RALGAPA1: variants seen among roughly 807,000 people sequenced by gnomAD.
The protein encoded by RALGAPA1 is Ral GTPase activating protein catalytic subunit alpha 1.
A neutral mutation model predicts 269.6 loss-of-function variants in RALGAPA1; 52 were observed. The observed-to-expected ratio is 0.19, with a 90% CI of 0.15 to 0.24. RALGAPA1 has a LOEUF of 0.24. Ranked by LOEUF, RALGAPA1 falls within the 10% of genes least tolerant of loss-of-function variation. The pLI is 1.00. For missense variants in RALGAPA1, 1,917 were observed against 3,013.9 expected, an observed-to-expected ratio of 0.64 and a Z score of 8.52; for synonymous variants, 817 against 1,008.3, an observed-to-expected ratio of 0.81 and a Z score of 3.60.
intron 16 of RALGAPA1, among the ~76,000 whole-genome samples, chr14:35,709,556 T>C (rs1369523486): frequency 1.3e-5 from 2 of 152,140 alleles, no homozygotes; most frequent in African/African-American, 4.8e-5. Flanking sequence ...TATTTTCAAC[T>C]TCCTTGTTTT....
chr14:35,657,218 A>C (rs2063234008), intron 28 of RALGAPA1, among the ~76,000 whole-genome samples: 1 of 145,552 alleles, frequency 6.9e-6, no homozygotes, highest in African/African-American at 2.6e-5. Flanking sequence ...ACAGAGTCTC[A>C]CTCTGTCTTG....
rs1484224688 is a variant in RALGAPA1, at chr14:35,664,629, T to A, written c.5328+13A>T. The A allele has an allele frequency of 1.3e-6, 2 of 1,588,466 alleles. No individual in the cohort carries two copies. Among genetic ancestry groups the A allele is most frequent in the Admixed American group, 1.8e-5 (1 of 54,268 alleles). On this transcript the variant is annotated intron_variant, in intron 27 of 41. Transcript: ENST00000680220. ...ATCATTTAAGTGCTAAAAATTAGCA[T>A]CTCATTTCTTACCTTAACATCTGTA...
rs533071310 is a variant in RALGAPA1, at chr14:35,780,178, T to C, written c.107-4433A>G. On this transcript the variant is annotated intron_variant, in intron 1 of 41. Transcript: ENST00000680220. ...AAAGGGTTAATCTTTTAAGAAGATA[T>C]AACAATTGTGAACATATATGCACTT... Among the ~76,000 whole-genome samples the C allele has an allele frequency of 3.9e-5, 6 of 151,912 alleles. No homozygotes were observed. The South Asian group carries it at 8.3e-4, about 21-fold the overall frequency.
rs573447090 is a variant in RALGAPA1 at position 35,630,672 on chromosome 14, A to G, written c.5996-2721T>C. ...CACTTTGGGAAGCTGAGGCGGGCCAATCACCTGAGGTCAGTAGTTCGAGAC... is the reference window on the plus strand; with the variant it reads ...CACTTTGGGAAGCTGAGGCGGGCCAGTCACCTGAGGTCAGTAGTTCGAGAC... On this transcript the variant is annotated intron_variant, in intron 33 of 41. Transcript: ENST00000680220. Among the ~76,000 whole-genome samples, 403 of 152,296 alleles carry G rather than the reference A, an allele frequency of 2.6e-3. 2 individuals are homozygous for G. Among genetic ancestry groups the G allele is most frequent in the African/African-American group, 9.4e-3 (391 of 41,576 alleles).
chr14:35,759,565 C>T (rs919263472), intron 6 of RALGAPA1, among the ~76,000 whole-genome samples: 3 of 147,794 alleles, frequency 2.0e-5, no homozygotes, highest in Admixed American at 6.8e-5. Context: ...TAACAGGATT[C>T]GTACACGAAG....
intron 16 of RALGAPA1, 95 bp from the exon 17 acceptor site, chr14:35,700,397 C>A: frequency 2.1e-6 from 2 of 964,126 alleles, no homozygotes; most frequent in Non-Finnish European, 2.8e-6. Flanking sequence ...ACAGAGAAAA[C>A]TAAAAGGTAC....
intron 16 of RALGAPA1, among the ~76,000 whole-genome samples, chr14:35,708,302 C>G (rs1192517097): frequency 3.9e-5 from 6 of 151,906 alleles, no homozygotes; most frequent in Admixed American, 3.3e-4. Context: ...AAATCATCAA[C>G]AAAGTAAAGA....
chr14:35,609,070 C>CA (rs1223087086), intron 35 of RALGAPA1, among the ~76,000 whole-genome samples: 7 of 151,796 alleles, frequency 4.6e-5, no homozygotes, highest in African/African-American at 1.7e-4. Context: ...ACTAAAAATA[C>CA]AAAAAATTAG....
chr14:35,628,010 C>T, intron 33 of RALGAPA1, 59 bp from the exon 34 acceptor site: 1 of 1,473,490 alleles, frequency 6.8e-7, no homozygotes, highest in Non-Finnish European at 9.1e-7. Context: ...AATCATATGA[C>T]AATGAAATAT....
At chr14:35,656,983 C>G (rs184735301) in intron 28 of RALGAPA1, among the ~76,000 whole-genome samples, 1 of 152,148 alleles carries the variant, frequency 6.6e-6, no homozygotes, top group Admixed American at 6.5e-5. Flanking sequence ...TAACTAAAGG[C>G]AGAGACTTAG....
At chr14:35,770,807 T>C in intron 4 of RALGAPA1, 135 bp downstream of exon 4, 1 of 355,160 alleles carries the variant, frequency 2.8e-6, no homozygotes, top group East Asian at 4.2e-5. Context: ...TCCTAGTCAA[T>C]CTGTTCTTGT....
chr14:35,577,000 G>C (rs1481707083), intron 37 of RALGAPA1, among the ~76,000 whole-genome samples: 1 of 152,134 alleles, frequency 6.6e-6, no homozygotes, highest in African/African-American at 2.4e-5. Flanking sequence ...CTTTATTGCA[G>C]TCTATGGTTT....
At chr14:35,682,754 G>A (rs2065564836) in intron 21 of RALGAPA1, among the ~76,000 whole-genome samples, 1 of 152,046 alleles carries the variant, frequency 6.6e-6, no homozygotes, top group African/African-American at 2.4e-5. Flanking sequence ...TATAAAATAA[G>A]AATTTTCTCT....
Position 35,659,170 on chromosome 14 carries a change from G to A in RALGAPA1, c.5355C>T (p.Ser1785=), listed in dbSNP as rs749447980. ...VKELIIKTVL[S]SARDEPSGPA... ...GACCAGAGGGCTCATCTCTTGCCGA[G>A]CTTAATACAGTTTTGATTATAAGTT... Residue 1785 remains serine (S), a synonymous_variant, in exon 28 of 42, where the codon AGC becomes AGT. Coordinates refer to ENST00000680220, the MANE Select transcript of RALGAPA1 (RefSeq NM_001346249.2). 6.2e-6 allele frequency: 10 copies of A among 1,611,066 alleles called. No individual in the cohort carries two copies. The highest frequency in any genetic ancestry group is 1.3e-5 in the African/African-American group (1 of 74,832).
intron 12 of RALGAPA1, among the ~76,000 whole-genome samples, chr14:35,733,990 C>G (rs903278280): frequency 4.0e-5 from 6 of 151,810 alleles, no homozygotes; most frequent in Non-Finnish European, 7.4e-5. Flanking sequence ...AGGAATATAC[C>G]TAACCAAGGA....
intron 1 of RALGAPA1, among the ~76,000 whole-genome samples, chr14:35,796,479 C>T (rs925943006): frequency 6.6e-6 from 1 of 151,984 alleles, no homozygotes; most frequent in African/African-American, 2.4e-5. Flanking sequence ...AAAATAATGA[C>T]CAAAATTTTT....
intron 39 of RALGAPA1, among the ~76,000 whole-genome samples, chr14:35,558,908 C>CTAGGG (rs2055886935): frequency 6.6e-6 from 1 of 152,074 alleles, no homozygotes; most frequent in Non-Finnish European, 1.5e-5. Context: ...AGAAGTGAAG[C>CTAGGG]CAGGGAACCC....
At chr14:35,703,822 A>T (rs1481626487) in intron 16 of RALGAPA1, among the ~76,000 whole-genome samples, 1 of 152,062 alleles carries the variant, frequency 6.6e-6, no homozygotes, top group Non-Finnish European at 1.5e-5. Context: ...TACGAGCATG[A>T]CAATTTTTGA....
intron 16 of RALGAPA1, among the ~76,000 whole-genome samples, chr14:35,712,559 A>T (rs1197686900): frequency 6.6e-6 from 1 of 152,110 alleles, no homozygotes; most frequent in African/African-American, 2.4e-5. Context: ...CCCAGGCTGG[A>T]GGGCAGTGGT....
Sources: gnomAD v4.1 joint callset for allele counts (sites outside exome capture counted in the v4.1 genomes callset) on GRCh38, gnomAD v4.1.1 for gene constraint, MANE v1.5 for transcripts, NCBI Gene and HGNC (gene_info 2026-07-23, HGNC 2026-07-21) for gene names.